PASK: variants seen among roughly 807,000 people sequenced by gnomAD.
The protein encoded by PASK is PAS domain containing serine/threonine kinase, also known as PAS domain-containing serine/threonine-protein kinase.
A neutral mutation model predicts 121.0 loss-of-function variants in PASK; 110 were observed. The ratio of observed to expected loss-of-function variants is 0.91; its 90% CI spans 0.78 to 1.06. PASK has a LOEUF of 1.06. PASK is among the 50% of genes least tolerant of loss of function. The probability of loss-of-function intolerance (pLI) is 0.00; values close to 1 mark genes in which losing one functional copy is unlikely to be tolerated. For missense variants in PASK, 1,643 were observed against 1,702.3 expected (o/e 0.97, Z 0.61); for synonymous variants, 686 against 717.8 (o/e 0.96, Z 0.71).
In PASK at chr2:241,112,872, G is replaced by A. The variant is rs1461729608; in HGVS notation, c.3334-433C>T. On this transcript the variant is annotated intron_variant, in intron 14 of 17. Transcript: ENST00000234040. The surrounding 1 kb of genome is among the most constrained non-coding windows in gnomAD (Gnocchi z 5.2). ...AGTACCCAAGAGAAAGCACCAAGTCGATAACCTCAGCTCACAGGGAGGGAA... is the reference window on the plus strand; with the variant it reads ...AGTACCCAAGAGAAAGCACCAAGTCAATAACCTCAGCTCACAGGGAGGGAA... 2 of 194,486 alleles carry A rather than the reference G, an allele frequency of 1.0e-5. No homozygotes were observed. The highest frequency in any genetic ancestry group is 2.1e-5 in the Non-Finnish European group (2 of 93,544). The allele number at this position is 194,486 out of a possible 1,614,324, so 12.0% of individuals were successfully genotyped here.
In PASK at chr2:241,112,457, G is replaced by C; in HGVS notation, c.3334-18C>G. On this transcript the variant is annotated intron_variant, in intron 14 of 17. Coordinates refer to ENST00000234040, the MANE Select transcript of PASK (RefSeq NM_015148.4). The surrounding 1 kb of genome is among the most constrained non-coding windows in gnomAD (Gnocchi z 5.2). ...GACACTAGCTGGAATCAGGAGGCCA[G>C]AGGGGGCTTTTTAAAAAAGCAATTC... The C allele has an allele frequency of 6.3e-7, 1 of 1,576,460 alleles. No homozygotes were observed. Among genetic ancestry groups the C allele is most frequent in the East Asian group, 2.2e-5 (1 of 44,612 alleles).
Position 241,140,565 on chromosome 2 carries a change from T to C in PASK, c.385A>G (p.Asn129Asp), listed in dbSNP as rs541156371. 1.9e-6 allele frequency: 3 copies of C among 1,613,902 alleles called. No individual in the cohort carries two copies. The highest frequency in any genetic ancestry group is 1.1e-5 in the South Asian group (1 of 91,058). ...ACCGTGAAGATGGCCTTGTTAGGGT[T>C]GCACACAGGGGCCGGAAGCAGAGGT... ...SSPLLPAPVCNPNKAIFTVDA... is the reference protein window; with the variant it reads ...SSPLLPAPVCDPNKAIFTVDA... The change falls in exon 3 of 18, where the codon AAC (asparagine) becomes GAC (aspartate). Residue 129 changes from asparagine (N) to aspartate (D), a missense_variant. By Grantham distance (23) the Asn-to-Asp change is conservative (BLOSUM62 1). This residue lies in a region of PASK where 1,176 missense variants were observed against 1,162.2 expected (regional missense o/e 1.01). Coordinates refer to ENST00000234040, the MANE Select transcript of PASK (RefSeq NM_015148.4).
intron 3 of PASK, 80 bp from the exon 4 acceptor site, chr2:241,140,135 A>G: frequency 3.5e-6 from 4 of 1,136,602 alleles, no homozygotes; most frequent in Middle Eastern, 1.9e-4. Flanking sequence ...CAGGACGACC[A>G]TGCAGAAGCC....
Position 241,108,453 on chromosome 2 carries a change from C to A in PASK, c.3534-153G>T. 1 of 759,860 alleles carries A rather than the reference C, an allele frequency of 1.3e-6. No individual in the cohort carries two copies. The highest frequency in any genetic ancestry group is 2.7e-5 in the East Asian group (1 of 37,322). 47.1% of individuals were successfully genotyped at this position (759,860 alleles called of 1,614,324 possible). A position where few individuals can be genotyped will look rare whatever the true frequency, so the allele number is the denominator to read the frequency against. ...TCACTCCACCCCTCAAACACGCCCT[C>A]CATTTCCACGCACTTCTGCCCCAGG... On this transcript the variant is annotated intron_variant, in intron 15 of 17. Transcript: ENST00000234040. The surrounding 1 kb of genome is among the most constrained non-coding windows in gnomAD (Gnocchi z 5.2).
intron 12 of PASK, among the ~76,000 whole-genome samples, chr2:241,120,511 G>A (rs973689184): frequency 6.7e-6 from 1 of 149,582 alleles, no homozygotes; most frequent in Non-Finnish European, 1.5e-5. Context: ...AAAAAAATGG[G>A]CAAAGGATCA....
Position 241,132,524 on chromosome 2 carries a change from G to A in PASK, c.1463+350C>T, listed in dbSNP as rs563022096. Reference sequence around the variant, plus strand: ...AGCCTGGGTGACACAGCGAGACTCTGTCTAAAAAAAAAAAAAAAAAAAAAA... The same window carrying A: ...AGCCTGGGTGACACAGCGAGACTCTATCTAAAAAAAAAAAAAAAAAAAAAA... On this transcript the variant is annotated intron_variant, in intron 9 of 17. Coordinates refer to ENST00000234040, the MANE Select transcript of PASK (RefSeq NM_015148.4). Among the ~76,000 whole-genome samples the A allele has an allele frequency of 1.5e-3, 98 of 64,688 alleles. 1 individual carries two copies. The highest frequency in any genetic ancestry group is 5.7e-3 in the African/African-American group (73 of 12,904). 42.4% of individuals were successfully genotyped at this position (64,688 alleles called of 152,430 possible).
intron 9 of PASK, chr2:241,127,755 C>G (rs2065943074): frequency 2.5e-6 from 1 of 406,322 alleles, no homozygotes; most frequent in Non-Finnish European, 4.6e-6. Flanking sequence ...CCCCAAACCC[C>G]CCGTCAGCCG....
intron 1 of PASK, among the ~76,000 whole-genome samples, chr2:241,146,446 A>T (rs1386859769): frequency 6.6e-6 from 1 of 152,140 alleles, no homozygotes; most frequent in Non-Finnish European, 1.5e-5. Flanking sequence ...GAAAAAAGGG[A>T]GGGAAGAAAG....
At position 241,136,021 on chromosome 2, in the gene PASK, G is replaced by T. The variant is rs1401513178; in HGVS notation, c.1156C>A (p.Pro386Thr). ...AGGTCCATGTAGCTGTAGAAACCAG[G>T]AATCAGGAAAGTGATATTCTAGAAA... ...LLGKNITFLI[P>T]GFYSYMDLAY... Residue 386 changes from proline (P) to threonine (T), a missense_variant, in exon 8 of 18, where the codon CCT (proline) becomes ACT (threonine). Pro to Thr is a conservative substitution (Grantham distance 38). Transcript: ENST00000234040. 2 of 1,613,942 alleles carry T rather than the reference G, an allele frequency of 1.2e-6. No individual in the cohort carries two copies. Among genetic ancestry groups the T allele is most frequent in the Non-Finnish European group, 1.7e-6 (2 of 1,179,902 alleles).
chr2:241,122,555 C>T (rs1040056332), intron 12 of PASK, among the ~76,000 whole-genome samples, 177 bp downstream of exon 12: 2 of 152,204 alleles, frequency 1.3e-5, no homozygotes, highest in South Asian at 2.1e-4. Context: ...TGGATGTCAA[C>T]GTGTGTGCTG....
In PASK at chr2:241,111,580, A is replaced by G. The variant is rs117453030; in HGVS notation, c.3533+660T>C. On this transcript the variant is annotated intron_variant, in intron 15 of 17. Coordinates refer to ENST00000234040, the MANE Select transcript of PASK (RefSeq NM_015148.4). ...ACTCAGGCCCTACAAATGAACCACA[A>G]TCTTCCTTTCCGTTTTGCTTTCCTC... 5.9e-5 allele frequency among the ~76,000 whole-genome samples: 9 copies of G among 152,154 alleles called. No individual in the cohort carries two copies. The East Asian group carries it at 1.7e-3, about 29-fold the overall frequency.
At chr2:241,147,025 G>C (rs561341323) in intron 1 of PASK, among the ~76,000 whole-genome samples, 1 of 152,322 alleles carries the variant, frequency 6.6e-6, no homozygotes, top group Non-Finnish European at 1.5e-5. Context: ...TTTGGGGTTC[G>C]AGTGTGCAGC....
At chr2:241,135,557 A>C (rs984611458) in intron 8 of PASK, among the ~76,000 whole-genome samples, 1 of 152,078 alleles carries the variant, frequency 6.6e-6, no homozygotes, top group African/African-American at 2.4e-5. Flanking sequence ...ATATAAGTTT[A>C]CTTAGAAAAG....
rs1233681510 is a variant in PASK at position 241,149,425 on chromosome 2, G to C, written c.-54C>G. On this transcript the variant is annotated 5_prime_UTR_variant, in exon 1 of 18. Coordinates refer to ENST00000234040, the MANE Select transcript of PASK (RefSeq NM_015148.4). ...CGCAGGTATCTCACCTGGATCAGGC[G>C]AGGGTCACGCCAAGCCGGCTACACA... 3 of 538,572 alleles carry C rather than the reference G, an allele frequency of 5.6e-6. No homozygotes were observed. Among genetic ancestry groups the C allele is most frequent in the Non-Finnish European group, 9.9e-6 (3 of 302,626 alleles). 33.4% of individuals were successfully genotyped at this position (538,572 alleles called of 1,614,324 possible).
At chr2:241,124,215 C>A in intron 10 of PASK, 82 bp from the exon 11 acceptor site, 1 of 1,075,066 alleles carries the variant, frequency 9.3e-7, no homozygotes. Context: ...GTCCAGTCCC[C>A]AGAATGCAAC....
At chr2:241,118,609 T>A (rs1161865956) in intron 12 of PASK, 2 of 167,726 alleles carry the variant, frequency 1.2e-5, no homozygotes, top group African/African-American at 4.7e-5. Flanking sequence ...TGGGAGTAAA[T>A]CTTTATGACC....
intron 8 of PASK, chr2:241,133,485 C>G: frequency 3.7e-6 from 1 of 266,958 alleles, no homozygotes; most frequent in East Asian, 9.7e-5. Context: ...CCCTAGGCCT[C>G]CTGGGACCCC....
At chr2:241,133,595 G>A (rs2066269853) in intron 8 of PASK, 2 of 196,216 alleles carry the variant, frequency 1.0e-5, no homozygotes, top group South Asian at 2.0e-4. Context: ...GTCCCCGTGA[G>A]CGCAGGGGCA....
In PASK at chr2:241,124,582, C is replaced by G. The variant is rs145664591; in HGVS notation, c.2720-449G>C. ...AAAAGCATGTACACATGTACCTACT[C>G]TACTCACTAACAGCCATATTCAATT... is the stretch of plus-strand genomic sequence containing the variant. On this transcript the variant is annotated intron_variant, in intron 10 of 17. Coordinates refer to ENST00000234040, the MANE Select transcript of PASK (RefSeq NM_015148.4). 3.0e-3 allele frequency among the ~76,000 whole-genome samples: 460 copies of G among 152,364 alleles called. 3 individuals carry two copies. Among genetic ancestry groups the G allele is most frequent in the African/African-American group, 0.011 (437 of 41,584 alleles).
Sources: allele counts gnomAD v4.1 joint callset (sites outside exome capture counted in the v4.1 genomes callset), GRCh38; gene constraint gnomAD v4.1.1; regional missense constraint gnomAD v4.1.1; non-coding constraint Gnocchi (gnomAD v3.1); transcripts MANE v1.5; gene names NCBI Gene and HGNC (gene_info 2026-07-23, HGNC 2026-07-21).